The following IKZF1 variants were observed in gnomAD, a reference collection of about 807,000 sequenced individuals.
IKZF1 encodes IKAROS family zinc finger 1.
Under a neutral mutation model 51.7 loss-of-function variants are expected in IKZF1, and 10 were observed. That is an observed-to-expected ratio of 0.19 (90% confidence interval 0.12 to 0.33). IKZF1 has a LOEUF of 0.33. Among genes scored for constraint, IKZF1 ranks in the 10% least tolerant of loss-of-function variants. The pLI is 1.00. For synonymous variants in IKZF1, 280 were observed against 282.3 expected, an observed-to-expected ratio of 0.99 and a Z score of 0.08; for missense variants, 484 against 707.5, an observed-to-expected ratio of 0.68 and a Z score of 3.58.
intron 3 of IKZF1, among the ~76,000 whole-genome samples, chr7:50,346,753 A>G (rs753265238): frequency 2.6e-5 from 4 of 152,226 alleles, no homozygotes; most frequent in Non-Finnish European, 4.4e-5. Context: ...CAGTTTGCCA[A>G]AGCTAACTGT....
chr7:50,366,334 T>C (rs947367758), intron 3 of IKZF1, among the ~76,000 whole-genome samples: 2 of 152,236 alleles, frequency 1.3e-5, no homozygotes, highest in African/African-American at 2.4e-5. Flanking sequence ...AAGTGGGAAG[T>C]GTCTTGACAG....
At position 50,343,192 on chromosome 7, in the gene IKZF1, C is replaced by T. The variant is rs1417544817; in HGVS notation, c.160+15435C>T. Among the ~76,000 whole-genome samples, 5 of 109,210 alleles carry T rather than the reference C, an allele frequency of 4.6e-5. No individual in the cohort carries two copies. In the East Asian group the frequency reaches 9.0e-4, roughly 20 times the overall value. The allele number at this position is 109,210 out of a possible 152,430, so 71.6% of individuals were successfully genotyped here. On this transcript the variant is annotated intron_variant, in intron 3 of 7. Transcript: ENST00000331340. ...CTCCCCACCCTCCCTCCCTTCCCCT[C>T]GTCTCCCTTCCCCTCGTCTCCCTTC...
intron 3 of IKZF1, among the ~76,000 whole-genome samples, chr7:50,366,255 G>A (rs1044198433): frequency 2.0e-5 from 3 of 152,010 alleles, no homozygotes; most frequent in African/African-American, 4.8e-5. Context: ...GAACTTAAAA[G>A]TTAAATTAAA....
chr7:50,390,021 A>G (rs1017527203), intron 6 of IKZF1, among the ~76,000 whole-genome samples: 1 of 152,220 alleles, frequency 6.6e-6, no homozygotes, highest in Admixed American at 6.5e-5. Context: ...TCTTTAGTAA[A>G]AGGCTTTTGG....
chr7:50,382,668 C>T lies in IKZF1; in HGVS notation c.550C>T (p.Arg184Trp), dbSNP rs1584926038. 1 of 1,611,482 alleles carries T rather than the reference C, an allele frequency of 6.2e-7. No individual in the cohort carries two copies. Among genetic ancestry groups the T allele is most frequent in the Non-Finnish European group, 8.5e-7 (1 of 1,179,850 alleles). ...KCHLCNYACR[R>W]RDALTGHLRT... ...CCACCTCTGCAACTACGCCTGCCGC[C>T]GGAGGGACGCCCTCACTGGCCACCT... Residue 184 changes from arginine (R) to tryptophan (W), a missense_variant, in exon 5 of 8, where the codon CGG becomes TGG. This residue lies in a region of IKZF1 where 53 missense variants were observed against 167.7 expected (regional missense o/e 0.32). Coordinates refer to ENST00000331340, the MANE Select transcript of IKZF1 (RefSeq NM_006060.6).
intron 5 of IKZF1, among the ~76,000 whole-genome samples, chr7:50,386,651 A>G: frequency 6.6e-6 from 1 of 152,062 alleles, no homozygotes; most frequent in East Asian, 1.9e-4. Context: ...AAATATACAT[A>G]TACATAAAAT....
rs1815203914 is a variant in IKZF1, at chr7:50,391,929, A to G, written c.850+66A>G. 3.2e-6 allele frequency: 5 copies of G among 1,541,274 alleles called. No individual in the cohort carries two copies. The East Asian group carries it at 1.2e-4, about 36-fold the overall frequency. ...GTGGGTGTTTTAGATGCAAGTAGAA[A>G]TGAGTTGAGGGTGGAAGAAAGGGAA... On this transcript the variant is annotated intron_variant, in intron 7 of 7. Coordinates refer to ENST00000331340, the MANE Select transcript of IKZF1 (RefSeq NM_006060.6).
At chr7:50,338,597 A>T (rs1480718840) in intron 3 of IKZF1, among the ~76,000 whole-genome samples, 1 of 152,194 alleles carries the variant, frequency 6.6e-6, no homozygotes, top group Admixed American at 6.5e-5. Flanking sequence ...GGGAAGTGTA[A>T]ATATAACCCA....
chr7:50,335,371 G>T (rs1797433967), intron 3 of IKZF1, among the ~76,000 whole-genome samples: 1 of 137,966 alleles, frequency 7.2e-6, no homozygotes, highest in Non-Finnish European at 1.6e-5. Context: ...GGGATGTGTG[G>T]TGTGTGGTGT....
intron 7 of IKZF1, among the ~76,000 whole-genome samples, chr7:50,397,723 T>C (rs1338941740): frequency 1.3e-5 from 2 of 152,208 alleles, no homozygotes; most frequent in Non-Finnish European, 2.9e-5. Flanking sequence ...AAAAAAATTG[T>C]GTGGTTTCAG....
rs1818437680 is a variant in IKZF1 at position 50,403,178 on chromosome 7, C to T, written c.*2551C>T. The T allele has an allele frequency of 9.1e-6, 2 of 218,674 alleles. No homozygotes were observed. The highest frequency in any genetic ancestry group is 1.2e-4 in the Admixed American group (2 of 17,252). The allele number at this position is 218,674 out of a possible 1,614,324, so 13.5% of individuals were successfully genotyped here. On this transcript the variant is annotated 3_prime_UTR_variant, in exon 8 of 8. Coordinates refer to ENST00000331340, the MANE Select transcript of IKZF1 (RefSeq NM_006060.6). The stretch of plus-strand genomic sequence containing the variant: ...TTTGTTGTGGTTTTATATTGTAACA[C>T]CATTTTTCTTTGAAACTATTGTATT...
At chr7:50,349,041 G>C (rs939315921) in intron 3 of IKZF1, among the ~76,000 whole-genome samples, 1 of 152,128 alleles carries the variant, frequency 6.6e-6, no homozygotes, top group Non-Finnish European at 1.5e-5. Flanking sequence ...TTTATAACAC[G>C]AACGGAGGTT....
At chr7:50,339,258 T>C (rs1272594684) in intron 3 of IKZF1, among the ~76,000 whole-genome samples, 2 of 131,560 alleles carry the variant, frequency 1.5e-5, no homozygotes, top group African/African-American at 5.9e-5. Flanking sequence ...TGTGTGTGTG[T>C]TGTGGAGGAG....
At chr7:50,381,340 A>G (rs956081081) in intron 4 of IKZF1, among the ~76,000 whole-genome samples, 2 of 152,232 alleles carry the variant, frequency 1.3e-5, no homozygotes, top group African/African-American at 4.8e-5. Context: ...TGTTGTTACA[A>G]TATCTCAACA....
chr7:50,326,570 A>G (rs1795076176), intron 2 of IKZF1, among the ~76,000 whole-genome samples: 1 of 152,252 alleles, frequency 6.6e-6, no homozygotes, highest in Admixed American at 6.5e-5. Flanking sequence ...AAGGAAGGTT[A>G]GATTCCTCAG....
chr7:50,382,451 GC>G, intron 4 of IKZF1, 88 bp from the exon 5 acceptor site: 3 of 1,462,388 alleles, frequency 2.1e-6, no homozygotes, highest in Non-Finnish European at 2.7e-6. Flanking sequence ...AAGTCACCAG[GC>G]CCCCGTGGGA....
intron 3 of IKZF1, chr7:50,368,184 T>C: frequency 1.4e-6 from 1 of 703,478 alleles, no homozygotes; most frequent in Non-Finnish European, 2.6e-6. Context: ...CACTGTTCTA[T>C]TCGTTAGACA....
At chr7:50,307,022 C>T (rs765975947) in intron 1 of IKZF1, among the ~76,000 whole-genome samples, 23 of 152,138 alleles carry the variant, frequency 1.5e-4, no homozygotes, top group African/African-American at 5.3e-4. Flanking sequence ...ATGCACACAG[C>T]GTGGAGTGAG....
intron 3 of IKZF1, chr7:50,368,084 T>C (rs1215739016): frequency 2.8e-6 from 2 of 703,492 alleles, no homozygotes; most frequent in East Asian, 5.4e-5. Flanking sequence ...ATGCCTTGCT[T>C]CTGGAAAACA....
Sources: gnomAD v4.1 joint callset for allele counts (sites outside exome capture counted in the v4.1 genomes callset) on GRCh38, gnomAD v4.1.1 for gene constraint, gnomAD v4.1.1 regional missense constraint, MANE v1.5 for transcripts, NCBI Gene and HGNC (gene_info 2026-07-23, HGNC 2026-07-21) for gene names.